RAB3C: variants seen among roughly 807,000 people sequenced by gnomAD.
The protein encoded by RAB3C is ras-related protein Rab-3C.
A neutral mutation model predicts 26.4 loss-of-function variants in RAB3C; 17 were observed. The observed-to-expected ratio is 0.64, with a 90% confidence interval of 0.44 to 0.97. The LOEUF (loss-of-function observed/expected upper bound fraction) is 0.97. RAB3C is among the 50% of genes least tolerant of loss of function. The pLI is 0.00. For synonymous variants in RAB3C, 91 were observed against 95.9 expected (o/e 0.95, Z 0.30); for missense variants, 242 against 281.9 (o/e 0.86, Z 1.01).
intron 2 of RAB3C, among the ~76,000 whole-genome samples, chr5:58,724,132 G>T (rs1303062075): frequency 6.6e-6 from 1 of 151,640 alleles, no homozygotes; most frequent in African/African-American, 2.4e-5. Context: ...CTTGTAAGCT[G>T]CTGTCTTTAT....
At chr5:58,586,733 CA>C (rs142380444) in intron 1 of RAB3C, among the ~76,000 whole-genome samples, 8 of 149,246 alleles carry the variant, frequency 5.4e-5, no homozygotes, top group Non-Finnish European at 1.2e-4. Flanking sequence ...AGCAGAGTGC[CA>C]AAAAAAAATG....
At chr5:58,697,454 C>G (rs1247986532) in intron 2 of RAB3C, among the ~76,000 whole-genome samples, 1 of 152,100 alleles carries the variant, frequency 6.6e-6, no homozygotes, top group African/African-American at 2.4e-5. Flanking sequence ...CGTTGCAGAG[C>G]TGAGTTCAGG....
At chr5:58,824,926 GT>G (rs11384049) in intron 3 of RAB3C, 111 bp from the exon 4 acceptor site, 121,647 of 605,610 alleles carry the variant, frequency 0.2, 10,088 homozygotes, top group Non-Finnish European at 0.23. Context: ...TGGACATCGT[GT>G]TTTTTTTTTC....
chr5:58,818,073 A>T (rs1221720763), intron 3 of RAB3C, among the ~76,000 whole-genome samples: 1 of 152,192 alleles, frequency 6.6e-6, no homozygotes, highest in African/African-American at 2.4e-5. Flanking sequence ...TCCCACATAC[A>T]TCCCAAATCA....
chr5:58,753,086 C>T (rs1411286296), intron 3 of RAB3C, among the ~76,000 whole-genome samples: 1 of 152,084 alleles, frequency 6.6e-6, no homozygotes, highest in Non-Finnish European at 1.5e-5. Flanking sequence ...TAAACTTCCT[C>T]CAAGATTCAT....
chr5:58,613,274 A>G (rs1436761622), intron 1 of RAB3C, among the ~76,000 whole-genome samples: 1 of 152,124 alleles, frequency 6.6e-6, no homozygotes, highest in Non-Finnish European at 1.5e-5. Flanking sequence ...TTTCCAAGAC[A>G]CCAACTTTTA....
intron 1 of RAB3C, among the ~76,000 whole-genome samples, chr5:58,602,344 C>T (rs1449036406): frequency 6.6e-6 from 1 of 152,012 alleles, no homozygotes; most frequent in Admixed American, 6.6e-5. Context: ...ATGAAATGTT[C>T]TATATATATC....
intron 2 of RAB3C, among the ~76,000 whole-genome samples, chr5:58,693,568 A>T (rs1342403013): frequency 6.6e-6 from 1 of 152,118 alleles, no homozygotes; most frequent in African/African-American, 2.4e-5. Flanking sequence ...AATAGATATT[A>T]ATTCAGCCAA....
At chr5:58,750,299 G>T (rs1741494295) in intron 3 of RAB3C, among the ~76,000 whole-genome samples, 1 of 152,184 alleles carries the variant, frequency 6.6e-6, no homozygotes, top group African/African-American at 2.4e-5. Context: ...TTAAAAATAA[G>T]ACAATAGTAA....
At chr5:58,583,784 A>G (rs1345055579) in intron 1 of RAB3C, among the ~76,000 whole-genome samples, 1 of 152,140 alleles carries the variant, frequency 6.6e-6, no homozygotes, top group African/African-American at 2.4e-5. Context: ...CATATCCCTG[A>G]GCTATGCCAG....
intron 2 of RAB3C, among the ~76,000 whole-genome samples, chr5:58,680,471 T>G (rs552080805): frequency 3.3e-5 from 5 of 152,310 alleles, no homozygotes; most frequent in South Asian, 2.1e-4. Flanking sequence ...GGAAAAACAT[T>G]TAGTTATCCT....
chr5:58,808,088 A>G (rs1404283238), intron 3 of RAB3C, among the ~76,000 whole-genome samples: 3 of 151,678 alleles, frequency 2.0e-5, no homozygotes, highest in African/African-American at 7.3e-5. Context: ...AGCCAGGCGT[A>G]GTGGTGGGCG....
chr5:58,728,256 C>T (rs1740932220), intron 3 of RAB3C, among the ~76,000 whole-genome samples: 1 of 152,000 alleles, frequency 6.6e-6, no homozygotes, highest in Non-Finnish European at 1.5e-5. Flanking sequence ...GTACCTATGC[C>T]AGCATTTACT....
chr5:58,827,023 G>A (rs1174833097), intron 4 of RAB3C, among the ~76,000 whole-genome samples: 1 of 152,204 alleles, frequency 6.6e-6, no homozygotes, highest in African/African-American at 2.4e-5. Context: ...AGCCACCCAG[G>A]AGAAAGTTAC....
chr5:58,584,089 G>A (rs922859355), intron 1 of RAB3C, among the ~76,000 whole-genome samples: 6 of 152,118 alleles, frequency 3.9e-5, no homozygotes, highest in South Asian at 4.1e-4. Context: ...TAACAGAAAG[G>A]CATTTTATGA....
chr5:58,715,693 T>C (rs1749155894), intron 2 of RAB3C, among the ~76,000 whole-genome samples: 1 of 152,144 alleles, frequency 6.6e-6, no homozygotes, highest in Non-Finnish European at 1.5e-5. Context: ...CTATTATATT[T>C]ATAGATTACA....
chr5:58,763,440 G>C (rs993825199), intron 3 of RAB3C, among the ~76,000 whole-genome samples: 2 of 152,104 alleles, frequency 1.3e-5, no homozygotes, highest in African/African-American at 4.8e-5. Flanking sequence ...CTTTTTATCT[G>C]AACACTTTTC....
chr5:58,687,092 G>A (rs979279296), intron 2 of RAB3C, among the ~76,000 whole-genome samples: 1 of 152,120 alleles, frequency 6.6e-6, no homozygotes, highest in African/African-American at 2.4e-5. Flanking sequence ...TGAAGACAAT[G>A]TAATCATCTT....
chr5:58,654,311 G>A (rs536470630), intron 2 of RAB3C, among the ~76,000 whole-genome samples: 4 of 152,172 alleles, frequency 2.6e-5, no homozygotes, highest in Non-Finnish European at 4.4e-5. Flanking sequence ...GAGGATTTAT[G>A]GATTCTTTCC....
Sources: allele counts gnomAD v4.1 joint callset (sites outside exome capture counted in the v4.1 genomes callset), GRCh38; gene constraint gnomAD v4.1.1; transcripts MANE v1.5; gene names NCBI Gene and HGNC (gene_info 2026-07-23, HGNC 2026-07-21).